The following AADAT variants were observed in gnomAD, a reference collection of about 807,000 sequenced individuals.
AADAT encodes aminoadipate aminotransferase.
Under a neutral mutation model 56.2 loss-of-function variants are expected in AADAT, and 25 were observed. The observed-to-expected ratio is 0.44, with a 90% CI of 0.32 to 0.62. AADAT has a LOEUF of 0.62. Among genes scored for constraint, AADAT ranks in the 20% least tolerant of loss-of-function variants. The pLI is 0.04. For synonymous variants in AADAT, 173 were observed against 164.7 expected (o/e 1.05, Z -0.39); for missense variants, 387 against 510.5 (o/e 0.76, Z 2.33).
At chr4:170,080,293 T>C (rs963125193) in intron 3 of AADAT, among the ~76,000 whole-genome samples, 6 of 152,148 alleles carry the variant, frequency 3.9e-5, no homozygotes, top group African/African-American at 1.4e-4. Context: ...GCATCTATGA[T>C]ACCCCTCCTC....
intron 4 of AADAT, among the ~76,000 whole-genome samples, chr4:170,074,686 T>C (rs1447082346): frequency 6.6e-6 from 1 of 152,006 alleles, no homozygotes; most frequent in Non-Finnish European, 1.5e-5. Flanking sequence ...AGGGTGGTCC[T>C]AGGAGAGGGG....
In AADAT at chr4:170,067,536, CAAAT is replaced by C. The variant is rs373835856; in HGVS notation, c.901-152_901-149del. On this transcript the variant is annotated intron_variant, in intron 8 of 12. Coordinates refer to ENST00000337664, the MANE Select transcript of AADAT (RefSeq NM_016228.4). ...AGCTTATATAGTCAGTGATTTAAAA[CAAAT>C]GTCAATTAATAACAATGATAATACT... The C allele has an allele frequency of 7.0e-5, 40 of 569,404 alleles. No homozygotes were observed. The East Asian group carries it at 1.2e-3, about 17-fold the overall frequency. The allele number at this position is 569,404 out of a possible 1,614,324, so 35.3% of individuals were successfully genotyped here. A position where few individuals can be genotyped will look rare whatever the true frequency, so the allele number is the denominator to read the frequency against.
At chr4:170,079,386 T>G (rs1732185857) in intron 3 of AADAT, among the ~76,000 whole-genome samples, 1 of 152,010 alleles carries the variant, frequency 6.6e-6, no homozygotes, top group African/African-American at 2.4e-5. Context: ...AAGTAAGGAT[T>G]TTAGGAAGAG....
intron 4 of AADAT, among the ~76,000 whole-genome samples, chr4:170,077,719 C>T (rs1327339844): frequency 1.3e-5 from 2 of 152,186 alleles, no homozygotes; most frequent in South Asian, 2.1e-4. Context: ...AGTTCTTATA[C>T]AGAGCTGAAA....
At chr4:170,073,433 T>C in intron 4 of AADAT, 88 bp from the exon 5 acceptor site, 7 of 1,143,268 alleles carry the variant, frequency 6.1e-6, no homozygotes, top group Non-Finnish European at 6.1e-6. Flanking sequence ...ACTAAGAACT[T>C]GCTCATTCAT....
intron 3 of AADAT, among the ~76,000 whole-genome samples, chr4:170,082,935 T>C (rs1732384868): frequency 6.6e-6 from 1 of 151,522 alleles, no homozygotes; most frequent in African/African-American, 2.4e-5. Flanking sequence ...TGTAATACAA[T>C]AATAGTAGGA....
intron 3 of AADAT, among the ~76,000 whole-genome samples, chr4:170,080,670 T>TAA (rs1732255769): frequency 1.3e-5 from 2 of 152,298 alleles, no homozygotes; most frequent in Admixed American, 6.5e-5. Context: ...GCCAATGGAA[T>TAA]AAATCCTTTG....
Position 170,089,921 on chromosome 4 carries a change from G to A in AADAT, c.-231C>T. ...GTCCTAAACGGGTCTGGGGCTGTGTGGCGAGCCCGGCAAAGTCCACGCCGC... is the reference window on the plus strand; with the variant it reads ...GTCCTAAACGGGTCTGGGGCTGTGTAGCGAGCCCGGCAAAGTCCACGCCGC... On this transcript the variant is annotated 5_prime_UTR_variant, in exon 1 of 13. Transcript: ENST00000337664. 2 of 445,408 alleles carry A rather than the reference G, an allele frequency of 4.5e-6. No homozygotes were observed. Among genetic ancestry groups the A allele is most frequent in the Non-Finnish European group, 7.9e-6 (2 of 251,888 alleles). 27.6% of individuals were successfully genotyped at this position (445,408 alleles called of 1,614,324 possible).
chr4:170,089,064 G>A (rs570276005), intron 1 of AADAT, among the ~76,000 whole-genome samples: 4 of 152,298 alleles, frequency 2.6e-5, no homozygotes, highest in African/African-American at 7.2e-5. Flanking sequence ...AATGGACTAA[G>A]ACAAAAGCTA....
At chr4:170,092,756 CTG>C (rs1412994501), upstream of AADAT, among the ~76,000 whole-genome samples, 2 of 152,368 alleles carry the variant, frequency 1.3e-5, no homozygotes, top group Non-Finnish European at 1.5e-5. Context: ...ATGAGATAAT[CTG>C]TGTTAAACTA....
upstream of AADAT, among the ~76,000 whole-genome samples, chr4:170,092,986 TAAC>T (rs770867053): frequency 9.2e-5 from 14 of 152,328 alleles, no homozygotes; most frequent in South Asian, 2.1e-3. Flanking sequence ...TTATAGAAGT[TAAC>T]AAGCACCGGA....
rs909082933 is a variant in AADAT at position 170,068,294 on chromosome 4, C to T, written c.900+297G>A. Among the ~76,000 whole-genome samples, 68 of 152,202 alleles carry T rather than the reference C, an allele frequency of 4.5e-4. 1 individual carries two copies. The highest frequency in any genetic ancestry group is 1.6e-3 in the African/African-American group (67 of 41,520). Reference sequence around the variant, plus strand: ...TACAATATCAAACAAGTGTCCTATTCTACACAAACTTTTCTATTCTATTCA... The same window carrying T: ...TACAATATCAAACAAGTGTCCTATTTTACACAAACTTTTCTATTCTATTCA... On this transcript the variant is annotated intron_variant, in intron 8 of 12. Transcript: ENST00000337664.
At chr4:170,065,344 C>A (rs904254647) in intron 10 of AADAT, among the ~76,000 whole-genome samples, 2 of 152,074 alleles carry the variant, frequency 1.3e-5, no homozygotes, top group Middle Eastern at 3.4e-3. Flanking sequence ...GTGGGCTTTA[C>A]GTTTCATTGA....
At chr4:170,070,084 G>C (rs1468674469) in intron 6 of AADAT, among the ~76,000 whole-genome samples, 1 of 152,080 alleles carries the variant, frequency 6.6e-6, no homozygotes, top group African/African-American at 2.4e-5. Flanking sequence ...CGCTGCCTGT[G>C]ATGCCTCCTC....
upstream of AADAT, among the ~76,000 whole-genome samples, chr4:170,091,148 A>G (rs1238030480): frequency 6.6e-6 from 1 of 152,206 alleles, no homozygotes; most frequent in African/African-American, 2.4e-5. Context: ...GGGGCCCTTC[A>G]GCCCGCCGCT....
chr4:170,092,544 A>C (rs557477875), upstream of AADAT, among the ~76,000 whole-genome samples: 2 of 152,192 alleles, frequency 1.3e-5, no homozygotes, highest in Non-Finnish European at 2.9e-5. Context: ...TTCGTTCTTG[A>C]TGTCAGTGAG....
chr4:170,065,797 A>C (rs1348520990), intron 10 of AADAT, among the ~76,000 whole-genome samples: 1 of 152,230 alleles, frequency 6.6e-6, no homozygotes, highest in Non-Finnish European at 1.5e-5. Flanking sequence ...CACTGCACTC[A>C]GCCACTAATT....
At chr4:170,080,674 T>C (rs943332092) in intron 3 of AADAT, among the ~76,000 whole-genome samples, 7 of 152,252 alleles carry the variant, frequency 4.6e-5, no homozygotes, top group Admixed American at 4.6e-4. Context: ...ATGGAATAAA[T>C]CCTTTGGGAC....
intron 4 of AADAT, among the ~76,000 whole-genome samples, chr4:170,074,103 G>GT (rs771547305): frequency 7.9e-5 from 12 of 152,196 alleles, no homozygotes; most frequent in Non-Finnish European, 1.8e-4. Context: ...GATATGGAAC[G>GT]TAAGGGAAAT....
Sources: allele counts gnomAD v4.1 joint callset (sites outside exome capture counted in the v4.1 genomes callset), GRCh38; gene constraint gnomAD v4.1.1; transcripts MANE v1.5; gene names NCBI Gene and HGNC (gene_info 2026-07-23, HGNC 2026-07-21).